CCDC136: variants seen among roughly 807,000 people sequenced by gnomAD.
CCDC136 encodes coiled-coil domain-containing protein 136.
In CCDC136, 100 loss-of-function variants were observed where a neutral mutation model predicts 141.2. The observed-to-expected ratio is 0.71, with a 90% CI of 0.60 to 0.84. The LOEUF (loss-of-function observed/expected upper bound fraction) is 0.84. Among genes scored for constraint, CCDC136 ranks in the 40% least tolerant of loss-of-function variants. CCDC136 has a pLI of 0.00. For synonymous variants in CCDC136, 474 were observed against 531.9 expected (o/e 0.89, Z 1.50); for missense variants, 1,206 against 1,379.4 (o/e 0.87, Z 1.99).
rs1298417020 is a variant in CCDC136 at position 128,805,725 on chromosome 7, T to C, written c.949-36T>C. 1.2e-6 allele frequency: 2 copies of C among 1,607,050 alleles called. No individual in the cohort carries two copies. The highest frequency in any genetic ancestry group is 1.1e-5 in the South Asian group (1 of 90,132). ...GTTCTTGGAGCATATGTGGTATCTG[T>C]AGTAAACAAGCCTCCCTGTTCCATT... On this transcript the variant is annotated intron_variant, in intron 6 of 17. Transcript: ENST00000297788. This position sits in a 1 kb window ranked among gnomAD's most constrained non-coding sequence, Gnocchi z 4.6.
chr7:128,793,149 T>C (rs1393818691), intron 1 of CCDC136, among the ~76,000 whole-genome samples: 1 of 152,242 alleles, frequency 6.6e-6, no homozygotes, highest in African/African-American at 2.4e-5. Flanking sequence ...AGATTCAGAA[T>C]TTTAAAACAA....
chr7:128,791,347 C>A (rs1322189551), upstream of CCDC136: 3 of 446,392 alleles, frequency 6.7e-6, no homozygotes, highest in Non-Finnish European at 1.1e-5. The surrounding 1 kb of genome is among the most constrained non-coding windows in gnomAD (Gnocchi z 7.1). Context: ...CGGGCGGCGG[C>A]GAGCGGCGGG....
Position 128,805,644 on chromosome 7 carries a change from C to G in CCDC136, c.949-117C>G. On this transcript the variant is annotated intron_variant, in intron 6 of 17. Coordinates refer to ENST00000297788, the MANE Select transcript of CCDC136 (RefSeq NM_022742.5). This position sits in a 1 kb window ranked among gnomAD's most constrained non-coding sequence, Gnocchi z 4.6. ...GTGGAGGGAGATAGTACTCTGGGGT[C>G]TCACTTGCCTGATGTAAATCTTCCA... 6.5e-7 allele frequency: 1 copy of G among 1,530,106 alleles called. No individual in the cohort carries two copies. The highest frequency in any genetic ancestry group is 8.9e-7 in the Non-Finnish European group (1 of 1,120,780). 94.8% of individuals were successfully genotyped at this position (1,530,106 alleles called of 1,614,324 possible).
In CCDC136 at chr7:128,801,316, T is replaced by C; in HGVS notation, c.477T>C (p.Asp159=). ...AGAGTCTGCGGCAAGCAGCAGAGGA[T>C]TCCGCAACTGAACATGAGAGTGACA... ...EIQSLRQAAE[D]SATEHESDIA... Residue 159 remains aspartate, a synonymous_variant, in exon 4 of 18, where the codon GAT becomes GAC. Transcript: ENST00000297788. The C allele has an allele frequency of 6.2e-7, 1 of 1,613,804 alleles. No individual in the cohort carries two copies. Among genetic ancestry groups the C allele is most frequent in the Non-Finnish European group, 8.5e-7 (1 of 1,179,828 alleles).
At chr7:128,796,764 C>T (rs1241442907) in intron 3 of CCDC136, among the ~76,000 whole-genome samples, 13 of 107,234 alleles carry the variant, frequency 1.2e-4, no homozygotes, top group South Asian at 2.9e-4. Flanking sequence ...TTTTTTGAGA[C>T]GGAGTCTCGC....
Position 128,814,860 on chromosome 7 carries a change from A to G in CCDC136, c.2986A>G (p.Met996Val), listed in dbSNP as rs1585120989. ...NMNKNANGVK[M>V]KKVTKPCSDT... ...GAACAAGAATGCCAATGGGGTTAAA[A>G]TGAAAAAGGTGACCAAGCCATGCTC... The change falls in exon 15 of 18, where the codon ATG becomes GTG. Residue 996 changes from methionine (M) to valine (V), a missense_variant. Transcript: ENST00000297788. 1 of 1,608,892 alleles carries G rather than the reference A, an allele frequency of 6.2e-7. No individual in the cohort carries two copies. Among genetic ancestry groups the G allele is most frequent in the Non-Finnish European group, 8.5e-7 (1 of 1,177,570 alleles).
rs756696957 is a variant in CCDC136 at position 128,815,872 on chromosome 7, G to A, written c.3304G>A (p.Asp1102Asn). ...EDSEEEEDDA[D>N]SSLESPEENN... ...CAGTGAAGAGGAGGAGGATGACGCC[G>A]ACTCTTCCCTTGAAAGTCCCGAAGA... The change falls in exon 16 of 18, where the codon GAC becomes AAC. Residue 1102 changes from aspartate to asparagine, a missense_variant. Coordinates refer to ENST00000297788, the MANE Select transcript of CCDC136 (RefSeq NM_022742.5). The A allele has an allele frequency of 8.0e-5, 129 of 1,613,738 alleles. 1 individual carries two copies. The highest frequency in any genetic ancestry group is 6.6e-4 in the Middle Eastern group (4 of 6,084).
rs1806712215 is a variant in CCDC136, at chr7:128,816,843, TC to T, written c.3364-913del. Among the ~76,000 whole-genome samples, 4 of 152,228 alleles carry T rather than the reference TC, an allele frequency of 2.6e-5. No homozygotes were observed. In the South Asian group the frequency reaches 8.3e-4, roughly 32 times the overall value. ...AAAAAAGCCTCTTGTGGTGGGATTA[TC>T]CAGTCAACTCTGAGGATATCTGGAA... On this transcript the variant is annotated intron_variant, in intron 16 of 17. Transcript: ENST00000297788.
Position 128,804,693 on chromosome 7 carries a change from G to C in CCDC136, c.714G>C (p.Glu238Asp). Residue 238 changes from glutamate (E) to aspartate (D), a missense_variant, in exon 5 of 18, where the codon GAG becomes GAC. Coordinates refer to ENST00000297788, the MANE Select transcript of CCDC136 (RefSeq NM_022742.5). The stretch of plus-strand genomic sequence containing the variant: ...GGGAACGCTACCATTTCCTGAATGA[G>C]GAATACCGGGCCCTGCAGGAGAGCA... ...ELRERYHFLN[E>D]EYRALQESNS... is the part of the protein sequence containing the mutation. The C allele has an allele frequency of 6.3e-7, 1 of 1,596,210 alleles. No individual in the cohort carries two copies. Among genetic ancestry groups the C allele is most frequent in the Non-Finnish European group, 8.5e-7 (1 of 1,171,542 alleles).
At chr7:128,796,740 T>TATATATATATATATATATATATATA (rs61079649) in intron 3 of CCDC136, among the ~76,000 whole-genome samples, 53 of 124,638 alleles carry the variant, frequency 4.3e-4, no homozygotes, top group South Asian at 7.6e-4. Flanking sequence ...TATATATATA[T>TATATATATATATATATATATATATA]TCTTTTTTTT....
At chr7:128,796,739 A>ATATATATATATATATATATATATATTT in intron 3 of CCDC136, among the ~76,000 whole-genome samples, 1 of 113,376 alleles carries the variant, frequency 8.8e-6, no homozygotes, top group African/African-American at 4.6e-5. Context: ...ATATATATAT[A>ATATATATATATATATATATATATATTT]TTCTTTTTTT....
upstream of CCDC136, chr7:128,791,867 G>A (rs906487716): frequency 4.0e-5 from 16 of 400,342 alleles, no homozygotes; most frequent in South Asian, 1.5e-3. The surrounding 1 kb of genome is among the most constrained non-coding windows in gnomAD (Gnocchi z 7.1). Flanking sequence ...TGAGCGCGGG[G>A]CGAGGGTGGG....
intron 3 of CCDC136, among the ~76,000 whole-genome samples, chr7:128,799,984 C>A (rs1249590727): frequency 1.3e-5 from 2 of 152,076 alleles, no homozygotes; most frequent in Non-Finnish European, 2.9e-5. Context: ...TTCTGAAAAT[C>A]CAAACAGCAC....
At chr7:128,791,690 T>A, upstream of CCDC136, 3 of 534,812 alleles carry the variant, frequency 5.6e-6, no homozygotes, top group Non-Finnish European at 2.9e-6. The surrounding 1 kb of genome is among the most constrained non-coding windows in gnomAD (Gnocchi z 7.1). Flanking sequence ...CATCCTGGCC[T>A]CCACCGGGGC....
chr7:128,814,037 ATTG>A (rs1806186030), intron 14 of CCDC136, among the ~76,000 whole-genome samples: 1 of 151,940 alleles, frequency 6.6e-6, no homozygotes. Context: ...TAGCAGCCCT[ATTG>A]TTATTCCCCA....
In CCDC136 at chr7:128,806,291, C is replaced by T. The variant is rs1373023396; in HGVS notation, c.1144C>T (p.Gln382Ter). The T allele has an allele frequency of 3.8e-6, 6 of 1,584,662 alleles. No individual in the cohort carries two copies. Among genetic ancestry groups the T allele is most frequent in the Admixed American group, 1.8e-5 (1 of 55,264 alleles). ...CTLQKKYDTSQDEQNELLKMQ... is the reference protein window; with the variant it reads ...CTLQKKYDTS ...CCTGCAGAAAAAATATGATACTAGC[C>T]AGGATGAGCAGAACGAGCTCTTGAA... Residue 382 changes from glutamine to a stop codon, truncating the protein, a stop_gained, in exon 8 of 18, where the codon CAG becomes TAG. Coordinates refer to ENST00000297788, the MANE Select transcript of CCDC136 (RefSeq NM_022742.5). LOFTEE classifies it high-confidence loss of function.
At position 128,812,817 on chromosome 7, in the gene CCDC136, T is replaced by TA; in HGVS notation, c.2652dup (p.Leu885ThrfsTer15). ...CAGCTGCAAGAGCAGATGGAAAAGT[T>TA]ACTGGCCAAGCAGAAAGACCTGAAG... is the stretch of plus-strand genomic sequence containing the variant. On this transcript the variant is annotated frameshift_variant, in exon 14 of 18. Coordinates refer to ENST00000297788, the MANE Select transcript of CCDC136 (RefSeq NM_022742.5). LOFTEE classifies it high-confidence loss of function. 1 of 1,613,138 alleles carries TA rather than the reference T, an allele frequency of 6.2e-7. No homozygotes were observed. The highest frequency in any genetic ancestry group is 8.5e-7 in the Non-Finnish European group (1 of 1,179,738).
chr7:128,812,482 C>G (rs1230111870), intron 13 of CCDC136, among the ~76,000 whole-genome samples, 170 bp downstream of exon 13: 1 of 152,144 alleles, frequency 6.6e-6, no homozygotes. Flanking sequence ...GTCTCCCGCT[C>G]AGCCCTCTCA....
chr7:128,819,638 C>T (rs759291976), intron 17 of CCDC136, among the ~76,000 whole-genome samples: 6 of 152,154 alleles, frequency 3.9e-5, no homozygotes, highest in Non-Finnish European at 7.3e-5. Context: ...CTTGCAACAA[C>T]CCCATGAAGA....
Sources: allele counts gnomAD v4.1 joint callset (sites outside exome capture counted in the v4.1 genomes callset), GRCh38; gene constraint gnomAD v4.1.1; non-coding constraint Gnocchi (gnomAD v3.1); transcripts MANE v1.5; gene names NCBI Gene and HGNC (gene_info 2026-07-23, HGNC 2026-07-21).